The following GNAL variants were observed in gnomAD, a reference collection of about 807,000 sequenced individuals.
GNAL encodes G protein subunit alpha L, also known as guanine nucleotide-binding protein G(olf) subunit alpha.
A neutral mutation model predicts 55.1 loss-of-function variants in GNAL; 18 were observed. The ratio of observed to expected loss-of-function variants is 0.33; its 90% CI spans 0.23 to 0.48. The LOEUF (loss-of-function observed/expected upper bound fraction) is 0.48. Among genes scored for constraint, GNAL ranks in the 20% least tolerant of loss-of-function variants. The pLI, the probability that GNAL is intolerant of heterozygous loss-of-function variation, is 0.99. For missense variants in GNAL, 412 were observed against 614.1 expected (o/e 0.67, Z 3.48); for synonymous variants, 253 against 237.0 (o/e 1.07, Z -0.62).
intron 10 of GNAL, among the ~76,000 whole-genome samples, chr18:11,875,280 G>T (rs1042270040): frequency 9.2e-5 from 14 of 152,164 alleles, no homozygotes; most frequent in Non-Finnish European, 1.8e-4. Context: ...AGCTCTGCAG[G>T]GAGGGCAGCT....
chr18:11,851,970 C>T (rs189786598), intron 5 of GNAL: 1 of 1,613,946 alleles, frequency 6.2e-7, no homozygotes, highest in South Asian at 1.1e-5. Flanking sequence ...ATATGCTGCT[C>T]CAGGAAATGG....
intron 4 of GNAL, among the ~76,000 whole-genome samples, chr18:11,754,400 G>C (rs1350767795): frequency 6.6e-6 from 1 of 150,804 alleles, no homozygotes; most frequent in African/African-American, 2.5e-5. Flanking sequence ...CTGGGCGACA[G>C]AGCGAGACTC....
At chr18:11,803,101 A>G (rs543683968) in intron 4 of GNAL, among the ~76,000 whole-genome samples, 1 of 152,316 alleles carries the variant, frequency 6.6e-6, no homozygotes, top group Admixed American at 6.5e-5. Flanking sequence ...AAATTTTACC[A>G]TCTTAGTCAT....
chr18:11,782,449 G>T (rs933225711), intron 4 of GNAL, among the ~76,000 whole-genome samples: 1 of 152,142 alleles, frequency 6.6e-6, no homozygotes, highest in Admixed American at 6.5e-5. Flanking sequence ...TGTTTGTAAG[G>T]TTCAAAAAAC....
In GNAL at chr18:11,752,490, A is replaced by G; in HGVS notation, c.377-363A>G. ...CGGAAGACCAGGGCGTCGATGAAAA[A>G]GAACGACGCGAGGCCAACAAAAAGA... On this transcript the variant is annotated intron_variant, in intron 1 of 11. Coordinates refer to ENST00000334049, the MANE Select transcript of GNAL (RefSeq NM_182978.4). This position sits in a 1 kb window ranked among gnomAD's most constrained non-coding sequence, Gnocchi z 4.5. 1 of 1,612,674 alleles carries G rather than the reference A, an allele frequency of 6.2e-7. No individual in the cohort carries two copies. The highest frequency in any genetic ancestry group is 2.2e-5 in the East Asian group (1 of 44,594).
At chr18:11,879,757 TG>T (rs145427679) in intron 11 of GNAL, among the ~76,000 whole-genome samples, 2,304 of 152,294 alleles carry the variant, frequency 0.015, 65 homozygotes, top group African/African-American at 0.052. Context: ...ATCACTGAGG[TG>T]GTCCCCACAA....
At chr18:11,749,685 G>T (rs2143070426) in intron 1 of GNAL, among the ~76,000 whole-genome samples, 1 of 152,334 alleles carries the variant, frequency 6.6e-6, no homozygotes, top group East Asian at 1.9e-4. Context: ...GACCAGCGGA[G>T]AATCTGGTGC....
In GNAL at chr18:11,788,905, A is replaced by AT. The variant is rs1270338107; in HGVS notation, c.624+34960_624+34961insT. ...GAGCAAGACTCCGTCTCGAAAAAAA[A>AT]AAAAAAAAAATATATATATATATAT... On this transcript the variant is annotated intron_variant, in intron 4 of 11. Coordinates refer to ENST00000334049, the MANE Select transcript of GNAL (RefSeq NM_182978.4). Among the ~76,000 whole-genome samples, 576 of 90,772 alleles carry AT rather than the reference A, an allele frequency of 6.3e-3. 2 individuals are homozygous for AT. The highest frequency in any genetic ancestry group is 0.013 in the Middle Eastern group (2 of 152). The allele number at this position is 90,772 out of a possible 152,430, so 59.5% of individuals were successfully genotyped here.
chr18:11,737,873 C>T (rs981704994), intron 1 of GNAL, among the ~76,000 whole-genome samples: 8 of 152,302 alleles, frequency 5.3e-5, no homozygotes, highest in South Asian at 2.1e-4. Context: ...CATGGGGGAA[C>T]GGGGGAAGGA....
chr18:11,721,930 AAAT>A (rs1176909739), intron 1 of GNAL, among the ~76,000 whole-genome samples: 1 of 150,228 alleles, frequency 6.7e-6, no homozygotes, highest in Non-Finnish European at 1.5e-5. Flanking sequence ...ATAAATAAAT[AAAT>A]AATAAAATAG....
chr18:11,811,913 T>C lies in GNAL; in HGVS notation c.625-13005T>C, dbSNP rs9963832. Among the ~76,000 whole-genome samples the C allele has an allele frequency of 2.0e-3, 301 of 152,352 alleles. 1 individual carries two copies. Among genetic ancestry groups the C allele is most frequent in the African/African-American group, 7.0e-3 (290 of 41,592 alleles). On this transcript the variant is annotated intron_variant, in intron 4 of 11. Coordinates refer to ENST00000334049, the MANE Select transcript of GNAL (RefSeq NM_182978.4). The stretch of plus-strand genomic sequence containing the variant: ...TAGAGGCTTGTCTGGAAGCAAAGAC[T>C]AAAGTCGTGATTCTTTGAATCTTTT...
At chr18:11,702,968 AT>A (rs1316395731) in intron 1 of GNAL, among the ~76,000 whole-genome samples, 2 of 152,162 alleles carry the variant, frequency 1.3e-5, no homozygotes, top group Non-Finnish European at 2.9e-5. Flanking sequence ...AATTACAAAA[AT>A]TAGATGGGCA....
rs1191270549 is a variant in GNAL, at chr18:11,882,741, A to C, written c.*1606A>C. 1 of 152,094 alleles carries C rather than the reference A, an allele frequency of 6.6e-6. No individual in the cohort carries two copies. The highest frequency in any genetic ancestry group is 1.5e-5 in the Non-Finnish European group (1 of 68,018). The allele number at this position is 152,094 out of a possible 1,614,324, so 9.4% of individuals were successfully genotyped here. On this transcript the variant is annotated 3_prime_UTR_variant, in exon 12 of 12. Transcript: ENST00000334049. The stretch of plus-strand genomic sequence containing the variant: ...CAATGTTTGTGTCTGGCCTAGGAGA[A>C]TGAGGATGACAGCTTCACTTGCCTT...
chr18:11,818,750 A>G (rs1044727986), intron 4 of GNAL, among the ~76,000 whole-genome samples: 2 of 152,234 alleles, frequency 1.3e-5, no homozygotes, highest in South Asian at 2.1e-4. Context: ...CAGTGAACTC[A>G]GTGACGTAAA....
intron 4 of GNAL, among the ~76,000 whole-genome samples, chr18:11,773,271 A>G (rs2033686454): frequency 6.6e-6 from 1 of 152,214 alleles, no homozygotes; most frequent in African/African-American, 2.4e-5. Flanking sequence ...ACTTACCTAC[A>G]ATTGCAACAA....
intron 5 of GNAL, among the ~76,000 whole-genome samples, chr18:11,827,019 A>C (rs556443671): frequency 1.3e-5 from 2 of 152,302 alleles, no homozygotes; most frequent in East Asian, 3.9e-4. Context: ...GGGAGTGCCC[A>C]GCAGAGGGCA....
At chr18:11,729,267 T>C (rs1233491970) in intron 1 of GNAL, among the ~76,000 whole-genome samples, 7 of 152,174 alleles carry the variant, frequency 4.6e-5, no homozygotes, top group Admixed American at 6.6e-5. Context: ...TTCCTGCCTA[T>C]GGAGCAGTGG....
rs2031168079 is a variant in GNAL at position 11,689,614 on chromosome 18, C to G, written c.51C>G (p.Asp17Glu). 3.7e-6 allele frequency: 5 copies of G among 1,347,426 alleles called. 1 individual carries two copies. The South Asian group carries it at 5.8e-5, about 16-fold the overall frequency. 83.5% of individuals were successfully genotyped at this position (1,347,426 alleles called of 1,614,324 possible). Reference sequence around the variant, plus strand: ...CGCTGCTTTTCGGGGGCCCAGGGGACGACCCCTGCGCGGCCTCGGAGCCGC... The same window carrying G: ...CGCTGCTTTTCGGGGGCCCAGGGGAGGACCCCTGCGCGGCCTCGGAGCCGC... ...LRPLLFGGPG[D>E]DPCAASEPPV... The change falls in exon 1 of 12, where the codon GAC (aspartate) becomes GAG (glutamate). Residue 17 changes from aspartate (D) to glutamate (E), a missense_variant. This residue lies in a region of GNAL where 228 missense variants were observed against 194.8 expected (regional missense o/e 1.17). Transcript: ENST00000334049.
intron 1 of GNAL, among the ~76,000 whole-genome samples, chr18:11,715,995 A>G (rs909937851): frequency 3.3e-5 from 5 of 152,206 alleles, no homozygotes; most frequent in African/African-American, 1.2e-4. Context: ...GACTACTATT[A>G]AAAAACAGAT....
Sources: gnomAD v4.1 joint callset for allele counts (sites outside exome capture counted in the v4.1 genomes callset) on GRCh38, gnomAD v4.1.1 for gene constraint, gnomAD v4.1.1 regional missense constraint, Gnocchi (gnomAD v3.1) non-coding constraint, MANE v1.5 for transcripts, NCBI Gene and HGNC (gene_info 2026-07-23, HGNC 2026-07-21) for gene names.